Variants in SPOCK1 observed in about 807,000 individuals in gnomAD.
The protein encoded by SPOCK1 is testican-1.
A neutral mutation model predicts 55.3 loss-of-function variants in SPOCK1; 23 were observed. That is an observed-to-expected ratio of 0.42 (90% CI 0.30 to 0.59). The LOEUF (loss-of-function observed/expected upper bound fraction) is 0.59. SPOCK1 is among the 20% of genes least tolerant of loss of function. The pLI, the probability that SPOCK1 is intolerant of heterozygous loss-of-function variation, is 0.22. For synonymous variants in SPOCK1, 226 were observed against 221.0 expected (o/e 1.02, Z -0.20); for missense variants, 499 against 552.5 (o/e 0.90, Z 0.97).
intron 2 of SPOCK1, among the ~76,000 whole-genome samples, chr5:137,478,564 C>T (rs1753883037): frequency 1.3e-5 from 2 of 152,090 alleles, no homozygotes; most frequent in South Asian, 2.1e-4. Context: ...AAGCTTTCCC[C>T]CCAGCCCCTA....
chr5:137,236,696 A>G (rs1371029809), intron 3 of SPOCK1, among the ~76,000 whole-genome samples: 2 of 152,136 alleles, frequency 1.3e-5, no homozygotes, highest in Non-Finnish European at 2.9e-5. Flanking sequence ...ATGGTTTAGA[A>G]TCAGCTCATA....
intron 5 of SPOCK1, among the ~76,000 whole-genome samples, chr5:137,072,791 A>T (rs1051695543): frequency 6.6e-6 from 1 of 152,146 alleles, no homozygotes; most frequent in African/African-American, 2.4e-5. Context: ...TCATCAACCT[A>T]TCATCCATTT....
intron 3 of SPOCK1, among the ~76,000 whole-genome samples, chr5:137,159,019 A>G (rs992219284): frequency 6.6e-6 from 1 of 152,120 alleles, no homozygotes; most frequent in African/African-American, 2.4e-5. Context: ...GATCACGTAT[A>G]CCTGACTGGT....
intron 3 of SPOCK1, among the ~76,000 whole-genome samples, chr5:137,181,253 G>A (rs146376195): frequency 7.6e-4 from 116 of 152,302 alleles, no homozygotes; most frequent in African/African-American, 2.7e-3. Context: ...TGGAGGGGTG[G>A]TGTACAAGGG....
At chr5:137,498,897 C>A (rs886566088) in intron 1 of SPOCK1, among the ~76,000 whole-genome samples, 25 of 63,062 alleles carry the variant, frequency 4.0e-4, no homozygotes, top group African/African-American at 1.5e-3. Flanking sequence ...GTCCGCACGC[C>A]GCACTCCCAC....
At chr5:137,352,050 T>A (rs141302138) in intron 2 of SPOCK1, among the ~76,000 whole-genome samples, 2 of 152,304 alleles carry the variant, frequency 1.3e-5, no homozygotes, top group East Asian at 1.9e-4. Flanking sequence ...AAGGTTGGAA[T>A]CCTCTCTACA....
intron 1 of SPOCK1, among the ~76,000 whole-genome samples, chr5:137,498,763 G>T (rs887781279): frequency 6.6e-6 from 1 of 152,208 alleles, no homozygotes; most frequent in Admixed American, 6.5e-5. Flanking sequence ...CGAGGAGGCT[G>T]CGTCACGAAT....
chr5:137,117,587 T>C (rs1315121624), intron 4 of SPOCK1, among the ~76,000 whole-genome samples: 2 of 152,254 alleles, frequency 1.3e-5, no homozygotes, highest in African/African-American at 4.8e-5. Context: ...CATATTAATT[T>C]GGACCTTTAG....
chr5:137,358,665 C>G (rs1003318441), intron 2 of SPOCK1, among the ~76,000 whole-genome samples: 1 of 152,284 alleles, frequency 6.6e-6, no homozygotes, highest in East Asian at 1.9e-4. Flanking sequence ...ACCTATCCAA[C>G]AGGTCTTCAG....
At chr5:137,015,180 G>A (rs1379320691) in intron 6 of SPOCK1, among the ~76,000 whole-genome samples, 3 of 152,018 alleles carry the variant, frequency 2.0e-5, no homozygotes, top group African/African-American at 4.8e-5. Context: ...GGTGGCCCAT[G>A]CCTGTAATCC....
At chr5:137,260,537 A>G (rs10062254) in intron 3 of SPOCK1, among the ~76,000 whole-genome samples, 17,908 of 152,286 alleles carry the variant, frequency 0.12, 1,326 homozygotes, top group East Asian at 0.25. Context: ...AAAGCAAATT[A>G]ATGATATGGT....
intron 2 of SPOCK1, among the ~76,000 whole-genome samples, chr5:137,374,864 A>T (rs1405693332): frequency 3.9e-5 from 6 of 152,186 alleles, no homozygotes; most frequent in African/African-American, 1.4e-4. Context: ...AGCAAGGAGA[A>T]ATTAGGCAGG....
intron 8 of SPOCK1, among the ~76,000 whole-genome samples, chr5:136,986,386 C>T (rs372514138): frequency 6.6e-6 from 1 of 152,062 alleles, no homozygotes; most frequent in Non-Finnish European, 1.5e-5. Context: ...TGTTACAATA[C>T]GAACTCAAAC....
At chr5:137,077,219 C>T (rs574897484) in intron 5 of SPOCK1, among the ~76,000 whole-genome samples, 4 of 152,240 alleles carry the variant, frequency 2.6e-5, no homozygotes, top group African/African-American at 4.8e-5. Flanking sequence ...CCACCGCGCC[C>T]GGCCCCCGCA....
chr5:137,102,997 T>C (rs1018216220), intron 5 of SPOCK1, among the ~76,000 whole-genome samples: 5 of 152,090 alleles, frequency 3.3e-5, no homozygotes, highest in Non-Finnish European at 4.4e-5. Context: ...TTTTGTTTTG[T>C]TTTGTTTTTT....
intron 3 of SPOCK1, among the ~76,000 whole-genome samples, chr5:137,192,602 C>G (rs1755205597): frequency 1.3e-5 from 2 of 152,202 alleles, no homozygotes; most frequent in African/African-American, 4.8e-5. Context: ...GCCTCCTAAC[C>G]AGGGCACTGA....
chr5:137,285,174 A>T (rs1231367793), intron 2 of SPOCK1, among the ~76,000 whole-genome samples: 1 of 152,230 alleles, frequency 6.6e-6, no homozygotes, highest in Non-Finnish European at 1.5e-5. Context: ...GGCCCGTCTC[A>T]CTAAAATTAG....
chr5:137,131,992 ATATATATATATAT>A (rs1753892719), intron 4 of SPOCK1, among the ~76,000 whole-genome samples: 2 of 33,022 alleles, frequency 6.1e-5, no homozygotes, highest in Non-Finnish European at 1.1e-4. Flanking sequence ...AAAAAAAAAT[ATATATATATATAT>A]ATATATATAT....
chr5:137,180,418 A>G (rs1346532930), intron 3 of SPOCK1, among the ~76,000 whole-genome samples: 2 of 152,280 alleles, frequency 1.3e-5, no homozygotes, highest in East Asian at 1.9e-4. Context: ...AGCATCAGAC[A>G]CATCACCTGA....
Sources: gnomAD v4.1 joint callset for allele counts (sites outside exome capture counted in the v4.1 genomes callset) on GRCh38, gnomAD v4.1.1 for gene constraint, MANE v1.5 for transcripts, NCBI Gene and HGNC (gene_info 2026-07-23, HGNC 2026-07-21) for gene names.